Variants in ANO3 observed in about 807,000 individuals in gnomAD.
ANO3 encodes anoctamin-3.
In ANO3, 99 loss-of-function variants were observed where a neutral mutation model predicts 144.8. The ratio of observed to expected loss-of-function variants is 0.68; its 90% CI spans 0.58 to 0.81. The LOEUF (loss-of-function observed/expected upper bound fraction) is 0.81, where lower values mean the gene tolerates loss of function less well. Ranked by LOEUF, ANO3 falls within the 30% of genes least tolerant of loss-of-function variation. ANO3 has a pLI of 0.00. For synonymous variants in ANO3, 414 were observed against 392.6 expected (o/e 1.05, Z -0.64); for missense variants, 905 against 1,202.2 (o/e 0.75, Z 3.66).
chr11:26,458,793 TAGG>T (rs1041643478), intron 3 of ANO3, among the ~76,000 whole-genome samples: 5 of 152,078 alleles, frequency 3.3e-5, no homozygotes, highest in African/African-American at 1.2e-4. Context: ...CACTTACAGT[TAGG>T]AGGAGATAGA....
intron 4 of ANO3, among the ~76,000 whole-genome samples, chr11:26,487,372 C>T (rs1860494808): frequency 6.6e-6 from 1 of 152,188 alleles, no homozygotes; most frequent in Admixed American, 6.5e-5. Context: ...CCTCCCTAGG[C>T]ATGTGGAACT....
rs755726181 is a variant in ANO3 at position 26,244,116 on chromosome 11, G to GAAA, written c.154+54799_154+54801dup. The stretch of plus-strand genomic sequence containing the variant: ...TCAGCAACATAGCAAGACTCTGTCT[G>GAAA]AAAAAAAAAAAAAAAGAAAAGAAAA... On this transcript the variant is annotated intron_variant, in intron 1 of 27. Transcript: ENST00000672621. Among the ~76,000 whole-genome samples, 228 of 94,684 alleles carry GAAA rather than the reference G, an allele frequency of 2.4e-3. 2 individuals carry two copies. The highest frequency in any genetic ancestry group is 8.1e-3 in the African/African-American group (207 of 25,694). 62.1% of individuals were successfully genotyped at this position (94,684 alleles called of 152,430 possible). A position where few individuals can be genotyped will look rare whatever the true frequency, so the allele number is the denominator to read the frequency against.
At chr11:26,208,275 GC>G (rs1281011337) in intron 1 of ANO3, 1 of 152,278 alleles carries the variant, frequency 6.6e-6, no homozygotes, top group Non-Finnish European at 1.5e-5. Flanking sequence ...ACTTTGGGAG[GC>G]CTAGGCGGGA....
intron 1 of ANO3, among the ~76,000 whole-genome samples, chr11:26,385,857 A>G (rs1175805071): frequency 6.6e-6 from 1 of 150,708 alleles, no homozygotes; most frequent in Non-Finnish European, 1.5e-5. Flanking sequence ...ACACATATAT[A>G]TGTGGTGATA....
chr11:26,253,976 G>A (rs551927142), intron 1 of ANO3, among the ~76,000 whole-genome samples: 15 of 152,250 alleles, frequency 9.9e-5, no homozygotes, highest in Non-Finnish European at 2.1e-4. Context: ...AAAACAAGAA[G>A]GCATGCTCAA....
intron 1 of ANO3, among the ~76,000 whole-genome samples, chr11:26,214,402 G>T (rs1341153226): frequency 6.6e-6 from 1 of 151,740 alleles, no homozygotes; most frequent in Non-Finnish European, 1.5e-5. Flanking sequence ...AAGAACTAGG[G>T]TTGGATTTTA....
chr11:26,453,210 A>T (rs1288046986), intron 3 of ANO3, among the ~76,000 whole-genome samples: 1 of 152,220 alleles, frequency 6.6e-6, no homozygotes, highest in Non-Finnish European at 1.5e-5. Flanking sequence ...TAATGACAGG[A>T]TCAAATTCAC....
intron 1 of ANO3, among the ~76,000 whole-genome samples, chr11:26,323,971 T>C (rs971399416): frequency 1.3e-5 from 2 of 152,206 alleles, no homozygotes; most frequent in African/African-American, 4.8e-5. Context: ...TAGCAGCACA[T>C]GCTCCATCTC....
intron 1 of ANO3, among the ~76,000 whole-genome samples, chr11:26,240,542 C>A: frequency 6.6e-6 from 1 of 152,108 alleles, no homozygotes; most frequent in East Asian, 1.9e-4. Context: ...CTCATGTTCC[C>A]TGGTTTTGTG....
chr11:26,609,034 G>C (rs569971741), intron 17 of ANO3, among the ~76,000 whole-genome samples: 1 of 152,304 alleles, frequency 6.6e-6, no homozygotes, highest in Admixed American at 6.5e-5. Flanking sequence ...AATCTATGCA[G>C]CTCCATGGTT....
At chr11:26,251,665 G>A (rs1252777435) in intron 1 of ANO3, among the ~76,000 whole-genome samples, 1 of 152,286 alleles carries the variant, frequency 6.6e-6, no homozygotes, top group Middle Eastern at 3.4e-3. Context: ...AAAGAAAAGA[G>A]GGTTAATTGA....
At chr11:26,536,244 G>A (rs139229106) in intron 9 of ANO3, among the ~76,000 whole-genome samples, 101 of 151,592 alleles carry the variant, frequency 6.7e-4, no homozygotes, top group African/African-American at 2.2e-3. Context: ...ACTTGAACCC[G>A]GGAAGTGAAG....
At chr11:26,257,247 C>A (rs1427476596) in intron 1 of ANO3, among the ~76,000 whole-genome samples, 1 of 151,886 alleles carries the variant, frequency 6.6e-6, no homozygotes, top group Non-Finnish European at 1.5e-5. Context: ...CTGGACTTAC[C>A]TAATTTTGTT....
chr11:26,342,425 C>T (rs1022527617), intron 1 of ANO3, among the ~76,000 whole-genome samples: 4 of 152,112 alleles, frequency 2.6e-5, no homozygotes, highest in South Asian at 4.1e-4. Flanking sequence ...CTAGTTTGAC[C>T]GCTTTTTGTT....
intron 1 of ANO3, among the ~76,000 whole-genome samples, chr11:26,269,716 C>G (rs543311581): frequency 6.6e-6 from 1 of 152,268 alleles, no homozygotes; most frequent in South Asian, 2.1e-4. Context: ...TAAGGAGTCA[C>G]GGAGTCTGGA....
intron 6 of ANO3, among the ~76,000 whole-genome samples, chr11:26,520,319 C>T (rs897588894): frequency 1.3e-5 from 2 of 151,804 alleles, no homozygotes; most frequent in African/African-American, 4.8e-5. Context: ...TTTTTAATTA[C>T]CTGGTAGGAA....
intron 3 of ANO3, among the ~76,000 whole-genome samples, chr11:26,456,176 T>C (rs925479097): frequency 1.4e-4 from 21 of 152,314 alleles, no homozygotes; most frequent in African/African-American, 5.1e-4. Flanking sequence ...AAGGACTTCA[T>C]GTCTAAAACA....
At chr11:26,191,293 C>A (rs1227687639) in intron 1 of ANO3, among the ~76,000 whole-genome samples, 1 of 150,864 alleles carries the variant, frequency 6.6e-6, no homozygotes, top group Non-Finnish European at 1.5e-5. Flanking sequence ...GAAAAAAAAA[C>A]ACATATATAT....
In ANO3 at chr11:26,410,490, C is replaced by A. The variant is rs559951929; in HGVS notation, c.47-31428C>A. Among the ~76,000 whole-genome samples, 4 of 151,866 alleles carry A rather than the reference C, an allele frequency of 2.6e-5. No individual in the cohort carries two copies. In the South Asian group the frequency reaches 8.3e-4, roughly 32 times the overall value. On this transcript the variant is annotated intron_variant, in intron 1 of 26. Coordinates refer to ENST00000256737, the MANE Select transcript of ANO3 (RefSeq NM_031418.4). ...TAATGAAATTGAACACAAGTTGATT[C>A]TAAACTGAATTCCAAATCATTACCT...
Sources: gnomAD v4.1 joint callset for allele counts (sites outside exome capture counted in the v4.1 genomes callset) on GRCh38, gnomAD v4.1.1 for gene constraint, MANE v1.5 for transcripts, NCBI Gene and HGNC (gene_info 2026-07-23, HGNC 2026-07-21) for gene names.